Variants in ATXN3 observed in about 807,000 individuals in gnomAD.
ATXN3 encodes ataxin 3.
ATXN3 carries 28 observed loss-of-function variants against 58.2 expected under a neutral mutation model. The observed-to-expected ratio is 0.48, with a 90% CI of 0.36 to 0.66. ATXN3 has a LOEUF of 0.66. Ranked by LOEUF, ATXN3 falls within the 30% of genes least tolerant of loss-of-function variation. The pLI is 0.00. For synonymous variants in ATXN3, 113 were observed against 138.5 expected, an observed-to-expected ratio of 0.82 and a Z score of 1.29; for missense variants, 321 against 422.1, an observed-to-expected ratio of 0.76 and a Z score of 2.10.
Position 92,058,893 on chromosome 14 carries a change from C to T in ATXN3, c.*5427G>A, listed in dbSNP as rs1031584728. ...TTTTAAAAAGTTATTCCTAATAGCC[C>T]AGTGTTGTAAAAATTAGATAATCAC... On this transcript the variant is annotated 3_prime_UTR_variant, in exon 11 of 11. Transcript: ENST00000644486. The T allele has an allele frequency of 6.6e-6, 1 of 150,608 alleles. No homozygotes were observed. Among genetic ancestry groups the T allele is most frequent in the South Asian group, 2.1e-4 (1 of 4,790 alleles). The allele number at this position is 150,608 out of a possible 1,614,324, so 9.3% of individuals were successfully genotyped here.
At chr14:92,080,103 T>C (rs1408595107) in intron 9 of ATXN3, among the ~76,000 whole-genome samples, 4 of 152,038 alleles carry the variant, frequency 2.6e-5, no homozygotes, top group African/African-American at 9.7e-5. Flanking sequence ...TTGAAAAGAA[T>C]GTATTTTCAT....
In ATXN3 at chr14:92,061,681, T is replaced by C. The variant is rs1219463720; in HGVS notation, c.*2639A>G. ...TTGTGAATTTAGTTGTTCCTGACTT[T>C]CTTGCAGGTGGTTTACAGTAAATGG... is the stretch of plus-strand genomic sequence containing the variant. On this transcript the variant is annotated 3_prime_UTR_variant, in exon 11 of 11. Coordinates refer to ENST00000644486, the MANE Select transcript of ATXN3 (RefSeq NM_004993.6). 1 of 152,286 alleles carries C rather than the reference T, an allele frequency of 6.6e-6. No individual in the cohort carries two copies. Among genetic ancestry groups the C allele is most frequent in the African/African-American group, 2.4e-5 (1 of 41,478 alleles). The allele number at this position is 152,286 out of a possible 1,614,324, so 9.4% of individuals were successfully genotyped here. A position where few individuals can be genotyped will look rare whatever the true frequency, so the allele number is the denominator to read the frequency against.
intron 5 of ATXN3, chr14:92,090,644 C>A (rs1484039474): frequency 6.6e-6 from 1 of 151,866 alleles, no homozygotes; most frequent in Admixed American, 6.6e-5. Context: ...AGAAAATAAA[C>A]CAAAATTTGA....
In ATXN3 at chr14:92,062,792, G is replaced by A. The variant is rs2057864709; in HGVS notation, c.*1528C>T. On this transcript the variant is annotated 3_prime_UTR_variant, in exon 11 of 11. Coordinates refer to ENST00000644486, the MANE Select transcript of ATXN3 (RefSeq NM_004993.6). The stretch of plus-strand genomic sequence containing the variant: ...AAAGATATTTTTTCTTCTCTTTTCA[G>A]TTAGTTAGCAATAAATCCTAGATCA... 6.6e-6 allele frequency: 1 copy of A among 152,476 alleles called. No individual in the cohort carries two copies. Among genetic ancestry groups the A allele is most frequent in the Admixed American group, 6.6e-5 (1 of 15,248 alleles). 9.4% of individuals were successfully genotyped at this position (152,476 alleles called of 1,614,324 possible).
At chr14:92,083,339 G>T (rs2061807171) in intron 6 of ATXN3, 81 bp from the exon 7 acceptor site, 2 of 1,346,060 alleles carry the variant, frequency 1.5e-6, no homozygotes, top group South Asian at 1.3e-5. Context: ...AGATAAAAAG[G>T]CAGCACAGAA....
At position 92,059,282 on chromosome 14, in the gene ATXN3, A is replaced by G. The variant is rs1305327245; in HGVS notation, c.*5038T>C. On this transcript the variant is annotated 3_prime_UTR_variant, in exon 11 of 11. Coordinates refer to ENST00000644486, the MANE Select transcript of ATXN3 (RefSeq NM_004993.6). ...CAATAATCTTCACTCATGAAAGCAA[A>G]TTAGAACAAAAATATTTTTATTATG... 6.6e-6 allele frequency: 1 copy of G among 152,234 alleles called. No individual in the cohort carries two copies. 9.4% of individuals were successfully genotyped at this position (152,234 alleles called of 1,614,324 possible). A position where few individuals can be genotyped will look rare whatever the true frequency, so the allele number is the denominator to read the frequency against.
Position 92,063,139 on chromosome 14 carries a change from A to G in ATXN3, c.*1181T>C, listed in dbSNP as rs1234964987. 39 of 152,644 alleles carry G rather than the reference A, an allele frequency of 2.6e-4. No individual in the cohort carries two copies. The highest frequency in any genetic ancestry group is 2.6e-3 in the Admixed American group (39 of 15,282). 9.5% of individuals were successfully genotyped at this position (152,644 alleles called of 1,614,324 possible). On this transcript the variant is annotated 3_prime_UTR_variant, in exon 11 of 11. Coordinates refer to ENST00000644486, the MANE Select transcript of ATXN3 (RefSeq NM_004993.6). ...AGATCCACTAAGTACTGTGACTTCC[A>G]TTGTTCTTAAGCTATCTAAACATGA...
At chr14:92,086,479 C>T (rs539206751) in intron 6 of ATXN3, among the ~76,000 whole-genome samples, 3 of 151,094 alleles carry the variant, frequency 2.0e-5, no homozygotes, top group Admixed American at 6.6e-5. Flanking sequence ...GCAAGAAAAT[C>T]GCTTGAACCC....
chr14:92,048,433 G>A (rs2057436647), intron 1 of ATXN3, among the ~76,000 whole-genome samples: 1 of 152,226 alleles, frequency 6.6e-6, no homozygotes, highest in Admixed American at 6.5e-5. Context: ...AGTGGGTTGG[G>A]TAATAAAATG....
At chr14:92,052,483 C>A (rs1461677406), upstream of ATXN3, among the ~76,000 whole-genome samples, 3 of 150,968 alleles carry the variant, frequency 2.0e-5, no homozygotes, top group Admixed American at 6.6e-5. Flanking sequence ...GAGCGAAACT[C>A]CATCTCAAAG....
At chr14:92,093,947 T>TTTTG in intron 3 of ATXN3, 116 bp from the exon 4 acceptor site, 1 of 256,542 alleles carries the variant, frequency 3.9e-6, no homozygotes, top group Non-Finnish European at 6.4e-6. Flanking sequence ...GCTATAGGTT[T>TTTTG]TTTTTTTTTT....
chr14:92,080,926 T>C (rs1474678242), intron 9 of ATXN3, 39 bp downstream of exon 9: 3 of 1,448,490 alleles, frequency 2.1e-6, no homozygotes, highest in Non-Finnish European at 2.9e-6. Flanking sequence ...CCAAAGCAAA[T>C]ATTAAACATG....
chr14:92,083,095 A>G, intron 7 of ATXN3, 31 bp downstream of exon 7: 1 of 1,590,354 alleles, frequency 6.3e-7, no homozygotes, highest in Non-Finnish European at 8.5e-7. Flanking sequence ...AAATACTACC[A>G]TATATTCCAT....
chr14:92,046,217 G>A (rs566295414), intron 2 of ATXN3: 4 of 152,346 alleles, frequency 2.6e-5, no homozygotes, highest in African/African-American at 7.2e-5. Flanking sequence ...GTAGTGGAGG[G>A]GGGCAGAGCG....
At chr14:92,102,505 A>G (rs2067069097) in intron 1 of ATXN3, among the ~76,000 whole-genome samples, 1 of 152,150 alleles carries the variant, frequency 6.6e-6, no homozygotes, top group Non-Finnish European at 1.5e-5. Context: ...GACACTACTA[A>G]CTACAACACA....
At chr14:92,089,045 C>T (rs1304961385) in intron 5 of ATXN3, among the ~76,000 whole-genome samples, 2 of 150,350 alleles carry the variant, frequency 1.3e-5, no homozygotes, top group Non-Finnish European at 2.9e-5. Context: ...TGAGAAGAGT[C>T]TCACTCTGTA....
intron 1 of ATXN3, among the ~76,000 whole-genome samples, chr14:92,102,880 A>G (rs2141306219): frequency 6.6e-6 from 1 of 152,358 alleles, no homozygotes; most frequent in African/African-American, 2.4e-5. Flanking sequence ...AGTCATTTAT[A>G]CAGAATTTGG....
rs56108392 is a variant in ATXN3 at position 92,103,250 on chromosome 14, C to A, written c.24+3279G>T. ...CCCATGGGCCAAATTCAACCTGCCC[C>A]AGTAGCTAAGAATGCACTTTACATT... On this transcript the variant is annotated intron_variant, in intron 1 of 10. Coordinates refer to ENST00000644486, the MANE Select transcript of ATXN3 (RefSeq NM_004993.6). Among the ~76,000 whole-genome samples, 486 of 152,206 alleles carry A rather than the reference C, an allele frequency of 3.2e-3. 12 individuals are homozygous for A. The East Asian group carries it at 0.078, about 24-fold the overall frequency.
chr14:92,076,305 C>T (rs564578175), intron 9 of ATXN3, among the ~76,000 whole-genome samples: 6 of 151,640 alleles, frequency 4.0e-5, no homozygotes, highest in Admixed American at 6.6e-5. Flanking sequence ...AAAATTAGCC[C>T]GACGTGGTGG....
Sources: gnomAD v4.1 joint callset for allele counts (sites outside exome capture counted in the v4.1 genomes callset) on GRCh38, gnomAD v4.1.1 for gene constraint, MANE v1.5 for transcripts, NCBI Gene and HGNC (gene_info 2026-07-23, HGNC 2026-07-21) for gene names.